DMD: variants seen among roughly 807,000 people sequenced by gnomAD.
DMD encodes mutant dystrophin.
In DMD, 63 loss-of-function variants were observed where a neutral mutation model predicts 330.1. The observed-to-expected ratio is 0.19, with a 90% CI of 0.16 to 0.24. The LOEUF is 0.24. Among genes scored for constraint, DMD ranks in the 10% least tolerant of loss-of-function variants. The pLI, the probability that DMD is intolerant of heterozygous loss-of-function variation, is 1.00. For missense variants in DMD, 3,344 were observed against 2,684.1 expected (o/e 1.25, Z -5.43); for synonymous variants, 1,223 against 959.8 (o/e 1.27, Z -5.07).
At chrX:32,997,793 G>A (rs1264361783) in intron 2 of DMD, among the ~76,000 whole-genome samples, 1 of 111,475 alleles carries the variant, frequency 9.0e-6, no homozygotes, top group Admixed American at 9.5e-5. Flanking sequence ...CCCGGAGACT[G>A]CATCAGAGGA....
intron 47 of DMD, among the ~76,000 whole-genome samples, chrX:31,896,601 A>C (rs965835533): frequency 2.7e-5 from 3 of 111,632 alleles, no homozygotes; most frequent in African/African-American, 9.8e-5. Context: ...AAAACTGCCA[A>C]ATTAGAATGT....
Position 31,715,962 on chromosome X carries a change from A to C in DMD, c.7660+13669T>G, listed in dbSNP as rs776913408. Among the ~76,000 whole-genome samples the C allele has an allele frequency of 6.1e-4, 69 of 112,244 alleles. 1 individual carries two copies. Among genetic ancestry groups the C allele is most frequent in the Admixed American group, 2.7e-3 (29 of 10,585 alleles). ...AGCTCCCCTGCGAGACAGTCCAATC[A>C]ATCAGTAAGTATTTATGGCATTCCC... On this transcript the variant is annotated intron_variant, in intron 52 of 78. Coordinates refer to ENST00000357033, the MANE Select transcript of DMD (RefSeq NM_004006.3).
At chrX:32,609,306 G>A in intron 12 of DMD, among the ~76,000 whole-genome samples, 1 of 110,635 alleles carries the variant, frequency 9.0e-6, no homozygotes, top group Non-Finnish European at 1.9e-5. Context: ...ATTAAGATAA[G>A]TTTTCCTAAA....
At chrX:32,344,594 G>A (rs1389396579) in intron 39 of DMD, among the ~76,000 whole-genome samples, 1 of 111,415 alleles carries the variant, frequency 9.0e-6, no homozygotes, top group African/African-American at 3.3e-5. Context: ...TTAGAGTTGA[G>A]CCATGCCTTA....
intron 2 of DMD, among the ~76,000 whole-genome samples, chrX:32,953,132 C>CAAAAAAAAAAAA (rs956888529): frequency 2.1e-5 from 1 of 48,350 alleles, no homozygotes; most frequent in African/African-American, 7.5e-5. Flanking sequence ...AAGACTCCAC[C>CAAAAAAAAAAAA]AAAAAAAAAA....
chrX:32,071,687 A>T (rs1247225303), intron 44 of DMD, among the ~76,000 whole-genome samples: 1 of 111,541 alleles, frequency 9.0e-6, no homozygotes, highest in Non-Finnish European at 1.9e-5. Context: ...ATATCAAAAA[A>T]AAGAACTTAC....
chrX:33,335,968 A>G (rs1173610099), intron 1 of DMD, among the ~76,000 whole-genome samples: 1 of 111,365 alleles, frequency 9.0e-6, no homozygotes, highest in Non-Finnish European at 1.9e-5. Flanking sequence ...GCCATATTAC[A>G]TACTTTTCAG....
chrX:33,312,918 C>T (rs1361953841), intron 1 of DMD, among the ~76,000 whole-genome samples: 2 of 111,077 alleles, frequency 1.8e-5, no homozygotes, highest in Admixed American at 9.6e-5. Context: ...CACCATCATG[C>T]TTGGGGCCAT....
At chrX:31,845,769 G>C (rs891211385) in intron 48 of DMD, among the ~76,000 whole-genome samples, 1 of 111,266 alleles carries the variant, frequency 9.0e-6, no homozygotes, top group African/African-American at 3.3e-5. Flanking sequence ...GGGGTACAGG[G>C]AAGACAGAGG....
intron 9 of DMD, among the ~76,000 whole-genome samples, chrX:32,650,152 A>C (rs1197527031): frequency 1.8e-5 from 2 of 111,903 alleles, no homozygotes; most frequent in Non-Finnish European, 3.8e-5. Flanking sequence ...CTTAGAAAAA[A>C]TAGCTGGGAC....
At chrX:32,791,651 T>A (rs1233874173) in intron 7 of DMD, among the ~76,000 whole-genome samples, 1 of 111,533 alleles carries the variant, frequency 9.0e-6, no homozygotes, top group African/African-American at 3.3e-5. Flanking sequence ...TCTCAGAACA[T>A]GAAAACAGGT....
intron 52 of DMD, among the ~76,000 whole-genome samples, chrX:31,718,994 G>A (rs756780806): frequency 8.9e-6 from 1 of 111,739 alleles, no homozygotes; most frequent in African/African-American, 3.2e-5. Flanking sequence ...CTTGGACCAA[G>A]TGCTCTTATT....
At chrX:31,126,039 A>C (rs1432159989) in intron 78 of DMD, among the ~76,000 whole-genome samples, 1 of 111,370 alleles carries the variant, frequency 9.0e-6, no homozygotes, top group African/African-American at 3.3e-5. Context: ...TTATCTGTAA[A>C]ACGGGGTTAA....
At chrX:32,197,861 CTTAG>C (rs2097013962) in intron 44 of DMD, among the ~76,000 whole-genome samples, 1 of 111,223 alleles carries the variant, frequency 9.0e-6, no homozygotes, top group African/African-American at 3.3e-5. Flanking sequence ...AATCGACTCT[CTTAG>C]TAATTTTCGA....
chrX:32,210,279 A>G (rs1417541873), intron 44 of DMD, among the ~76,000 whole-genome samples: 3 of 112,285 alleles, frequency 2.7e-5, no homozygotes, highest in African/African-American at 9.7e-5. Flanking sequence ...TCTTCTAGTT[A>G]CAGAAACCAG....
At chrX:32,165,727 T>A (rs1354681536) in intron 44 of DMD, among the ~76,000 whole-genome samples, 1 of 111,512 alleles carries the variant, frequency 9.0e-6, no homozygotes, top group Non-Finnish European at 1.9e-5. Context: ...GGGCTTTGTG[T>A]CCCCACCCAA....
chrX:32,360,187 C>G (rs1471935022), intron 37 of DMD, among the ~76,000 whole-genome samples: 2 of 112,054 alleles, frequency 1.8e-5, no homozygotes, highest in African/African-American at 6.5e-5. Context: ...TATGATTATA[C>G]TAAGTATTCA....
chrX:32,212,245 GA>G (rs1198626883), intron 44 of DMD, among the ~76,000 whole-genome samples: 6 of 112,013 alleles, frequency 5.4e-5, no homozygotes, highest in African/African-American at 1.6e-4. Flanking sequence ...TATGCTTTGA[GA>G]AGAAATTATA....
In DMD at chrX:32,529,074, G is replaced by T. The variant is rs190716405; in HGVS notation, c.2169-10943C>A. Among the ~76,000 whole-genome samples the T allele has an allele frequency of 5.5e-4, 58 of 105,842 alleles. No individual in the cohort carries two copies. In the East Asian group the frequency reaches 0.012, roughly 22 times the overall value. The allele number at this position is 105,842 out of a possible 115,157, so 91.9% of individuals were successfully genotyped here. ...GTAGCTGGGACTACAGGCGCCTGCC[G>T]CCACGTCTGGCTAATTTTTTTTCCC... On this transcript the variant is annotated intron_variant, in intron 17 of 78. Coordinates refer to ENST00000357033, the MANE Select transcript of DMD (RefSeq NM_004006.3).
Sources: allele counts gnomAD v4.1 joint callset (sites outside exome capture counted in the v4.1 genomes callset), GRCh38; gene constraint gnomAD v4.1.1; transcripts MANE v1.5; gene names NCBI Gene and HGNC (gene_info 2026-07-23, HGNC 2026-07-21).